MID1: variants seen among roughly 807,000 people sequenced by gnomAD.
MID1 encodes midline 1, also known as E3 ubiquitin-protein ligase Midline-1.
MID1 carries 7 observed loss-of-function variants against 40.4 expected under a neutral mutation model. The observed-to-expected ratio is 0.17, with a 90% CI of 0.10 to 0.33. The LOEUF is 0.33. Ranked by LOEUF, MID1 falls within the 10% of genes least tolerant of loss-of-function variation. The pLI is 1.00. For synonymous variants in MID1, 229 were observed against 221.2 expected (o/e 1.04, Z -0.31); for missense variants, 367 against 558.5 (o/e 0.66, Z 3.46).
intron 1 of MID1, among the ~76,000 whole-genome samples, chrX:10,776,761 G>A (rs1350250368): frequency 2.7e-5 from 3 of 110,757 alleles, no homozygotes; most frequent in East Asian, 2.8e-4. Flanking sequence ...CAGGCTGGGC[G>A]ACAATGCATG....
chrX:10,528,894 G>A (rs992205271), intron 2 of MID1, among the ~76,000 whole-genome samples: 1 of 111,714 alleles, frequency 9.0e-6, no homozygotes, highest in Non-Finnish European at 1.9e-5. Context: ...AAATTAAACA[G>A]CATTTTGACT....
At chrX:10,536,053 CAAA>C (rs35748627) in intron 2 of MID1, among the ~76,000 whole-genome samples, 1 of 92,326 alleles carries the variant, frequency 1.1e-5, no homozygotes, top group Non-Finnish European at 2.2e-5. Flanking sequence ...GACCCTGTCT[CAAA>C]AAAAAAAAAA....
At chrX:10,750,885 G>A (rs2043593584) in intron 1 of MID1, among the ~76,000 whole-genome samples, 1 of 111,060 alleles carries the variant, frequency 9.0e-6, no homozygotes, top group African/African-American at 3.3e-5. Context: ...AAAATAAAAC[G>A]ATTTAGAATG....
intron 1 of MID1, among the ~76,000 whole-genome samples, chrX:10,770,678 A>C (rs1439429930): frequency 8.9e-5 from 10 of 112,389 alleles, no homozygotes; most frequent in Non-Finnish European, 1.9e-5. Context: ...CATGTGCCTC[A>C]TATTCGTGTT....
chrX:10,610,608 C>T (rs1935720608), intron 1 of MID1, among the ~76,000 whole-genome samples: 1 of 111,523 alleles, frequency 9.0e-6, no homozygotes, highest in African/African-American at 3.3e-5. Context: ...AATATATTTA[C>T]ATTTGCCTAC....
intron 1 of MID1, among the ~76,000 whole-genome samples, chrX:10,619,902 A>G (rs1016291251): frequency 1.9e-4 from 21 of 112,160 alleles, no homozygotes; most frequent in Non-Finnish European, 2.6e-4. Context: ...CTTTTTCAGG[A>G]CATTCAGCTG....
In MID1 at chrX:10,544,684, G is replaced by A. The variant is rs752197263; in HGVS notation, c.661-21497C>T. Among the ~76,000 whole-genome samples, 6 of 111,809 alleles carry A rather than the reference G, an allele frequency of 5.4e-5. No homozygotes were observed. The East Asian group carries it at 1.4e-3, about 26-fold the overall frequency. On this transcript the variant is annotated intron_variant, in intron 2 of 9. Coordinates refer to ENST00000317552, the MANE Select transcript of MID1 (RefSeq NM_000381.4). Reference sequence around the variant, plus strand: ...TAATTTAACAGTAGAAATATATACAGTATTCCATGTCAGCATCCCTTTAAT... The same window carrying A: ...TAATTTAACAGTAGAAATATATACAATATTCCATGTCAGCATCCCTTTAAT...
At chrX:10,776,629 G>C (rs759605831) in intron 1 of MID1, among the ~76,000 whole-genome samples, 2 of 110,550 alleles carry the variant, frequency 1.8e-5, no homozygotes, top group Non-Finnish European at 3.8e-5. Flanking sequence ...ACTTTGGGAG[G>C]CTCAGGTGGG....
At chrX:10,661,683 T>C (rs1476572075) in intron 1 of MID1, among the ~76,000 whole-genome samples, 1 of 111,960 alleles carries the variant, frequency 8.9e-6, no homozygotes, top group Non-Finnish European at 1.9e-5. Context: ...AATAAAAATA[T>C]ATTTTTTCTA....
chrX:10,731,660 A>T (rs998492073), intron 1 of MID1, among the ~76,000 whole-genome samples: 4 of 111,659 alleles, frequency 3.6e-5, no homozygotes, highest in Non-Finnish European at 7.5e-5. Flanking sequence ...TAGCTAATTT[A>T]AAAAGACTAA....
At chrX:10,663,094 C>G (rs2042926922) in intron 1 of MID1, among the ~76,000 whole-genome samples, 1 of 111,487 alleles carries the variant, frequency 9.0e-6, no homozygotes, top group South Asian at 3.8e-4. Context: ...ATCATAACCC[C>G]TTTCTCTTTT....
At chrX:10,718,381 C>G (rs958807481) in intron 1 of MID1, among the ~76,000 whole-genome samples, 16 of 111,862 alleles carry the variant, frequency 1.4e-4, no homozygotes, top group African/African-American at 4.9e-4. Flanking sequence ...ACTGATCCCA[C>G]AGAAATACAA....
At chrX:10,663,990 TATGA>T (rs1356239911) in intron 1 of MID1, among the ~76,000 whole-genome samples, 2 of 110,743 alleles carry the variant, frequency 1.8e-5, no homozygotes, top group African/African-American at 6.7e-5. Flanking sequence ...CCAAATGAAA[TATGA>T]ATGGACATTT....
chrX:10,641,649 C>T (rs1602490991), intron 1 of MID1, among the ~76,000 whole-genome samples: 1 of 111,796 alleles, frequency 8.9e-6, no homozygotes, highest in African/African-American at 3.3e-5. Context: ...AGAAGGAATC[C>T]TCCCTAGTTC....
chrX:10,650,093 A>G (rs912316690), intron 1 of MID1, among the ~76,000 whole-genome samples: 20 of 111,596 alleles, frequency 1.8e-4, no homozygotes, highest in African/African-American at 6.2e-4. Context: ...ACTTGGGGAT[A>G]AAAAGCCACA....
At chrX:10,564,064 T>C (rs780937097) in intron 2 of MID1, among the ~76,000 whole-genome samples, 254 of 112,103 alleles carry the variant, frequency 2.3e-3, no homozygotes, top group Non-Finnish European at 4.2e-3. Flanking sequence ...ATATGCAAAT[T>C]AATAAAGCAA....
At chrX:10,489,700 T>A (rs1930824380) in intron 4 of MID1, among the ~76,000 whole-genome samples, 1 of 107,032 alleles carries the variant, frequency 9.3e-6, no homozygotes, top group Non-Finnish European at 1.9e-5. Context: ...TTCAAAGTTT[T>A]TTTTTTTTTT....
rs1298262281 is a variant in MID1, at chrX:10,629,864, T to C, written c.-186-9445A>G. 2.7e-5 allele frequency among the ~76,000 whole-genome samples: 3 copies of C among 112,241 alleles called. No homozygotes were observed. In the South Asian group the frequency reaches 1.1e-3, roughly 42 times the overall value. Reference sequence around the variant, plus strand: ...CATTAGCAACATATAGATAGATATCTGTACATCTCTATGAATTGATTTTCA... The same window carrying C: ...CATTAGCAACATATAGATAGATATCCGTACATCTCTATGAATTGATTTTCA... On this transcript the variant is annotated intron_variant, in intron 1 of 10. Transcript: ENST00000380785.
At chrX:10,705,574 C>T (rs1365834538) in intron 1 of MID1, among the ~76,000 whole-genome samples, 1 of 112,215 alleles carries the variant, frequency 8.9e-6, no homozygotes, top group African/African-American at 3.2e-5. Flanking sequence ...TTCCTTTCTT[C>T]TTAGTAATAA....
Sources: allele counts gnomAD v4.1 joint callset (sites outside exome capture counted in the v4.1 genomes callset), GRCh38; gene constraint gnomAD v4.1.1; transcripts MANE v1.5; gene names NCBI Gene and HGNC (gene_info 2026-07-23, HGNC 2026-07-21).